HERC4: variants seen among roughly 807,000 people sequenced by gnomAD.
The protein encoded by HERC4 is probable E3 ubiquitin-protein ligase HERC4.
HERC4 carries 28 observed loss-of-function variants against 124.3 expected under a neutral mutation model. The ratio of observed to expected loss-of-function variants is 0.23; its 90% CI spans 0.17 to 0.31. The LOEUF is 0.31. Among genes scored for constraint, HERC4 ranks in the 10% least tolerant of loss-of-function variants. The pLI is 1.00. For synonymous variants in HERC4, 407 were observed against 421.5 expected, an observed-to-expected ratio of 0.97 and a Z score of 0.42; for missense variants, 713 against 1,229.3, an observed-to-expected ratio of 0.58 and a Z score of 6.28.
intron 23 of HERC4, among the ~76,000 whole-genome samples, chr10:67,927,399 TATATATATATATATA>T (rs2031140177): frequency 1.3e-4 from 1 of 7,816 alleles, no homozygotes; most frequent in African/African-American, 3.9e-4. Context: ...TATATATATA[TATATATATATATATA>T]TATATATATA....
intron 9 of HERC4, among the ~76,000 whole-genome samples, chr10:68,013,188 T>C (rs1398440597): frequency 2.0e-5 from 3 of 152,220 alleles, no homozygotes; most frequent in Admixed American, 6.5e-5. Flanking sequence ...TAAACTAACA[T>C]ATACACAGTC....
intron 9 of HERC4, among the ~76,000 whole-genome samples, chr10:68,009,335 A>G (rs904650841): frequency 3.3e-5 from 5 of 151,996 alleles, no homozygotes; most frequent in Admixed American, 2.6e-4. Context: ...AGCTGGTCCC[A>G]AACTCCTGGC....
chr10:68,069,403 A>C (rs1265945700), intron 3 of HERC4: 1 of 985,174 alleles, frequency 1.0e-6, no homozygotes, highest in Non-Finnish European at 1.2e-6. Context: ...GTAGTGATAG[A>C]AAAGGACATA....
chr10:67,983,075 CAA>C (rs60021463), intron 15 of HERC4, among the ~76,000 whole-genome samples: 11 of 76,766 alleles, frequency 1.4e-4, no homozygotes, highest in Admixed American at 2.9e-4. Flanking sequence ...TTGCACTGAG[CAA>C]AAAAAAAAAA....
intron 9 of HERC4, among the ~76,000 whole-genome samples, chr10:68,002,421 CA>C (rs528567769): frequency 2.0e-5 from 3 of 150,892 alleles, no homozygotes; most frequent in African/African-American, 4.9e-5. Context: ...TTCAGGTTGT[CA>C]AAAAAATGAA....
At chr10:68,027,019 CATATAAT>C (rs1480148791) in intron 7 of HERC4, among the ~76,000 whole-genome samples, 1 of 152,002 alleles carries the variant, frequency 6.6e-6, no homozygotes, top group African/African-American at 2.4e-5. Flanking sequence ...AACAAAAAAA[CATATAAT>C]ATATAACTAA....
chr10:68,073,443 T>C (rs954978652), intron 2 of HERC4, among the ~76,000 whole-genome samples: 3 of 152,384 alleles, frequency 2.0e-5, no homozygotes, highest in Non-Finnish European at 4.4e-5. Flanking sequence ...TTTTGACTTC[T>C]GGTTATCTTG....
chr10:67,939,013 A>G (rs1044677688), intron 21 of HERC4, among the ~76,000 whole-genome samples: 1 of 152,202 alleles, frequency 6.6e-6, no homozygotes, highest in African/African-American at 2.4e-5. Context: ...ATCTTTTACA[A>G]GATTTGCAAT....
intron 19 of HERC4, among the ~76,000 whole-genome samples, chr10:67,946,629 C>A (rs2033377867): frequency 6.6e-6 from 1 of 152,010 alleles, no homozygotes; most frequent in South Asian, 2.1e-4. Flanking sequence ...CAAATATAGG[C>A]CAGACGCAGT....
At chr10:67,990,103 A>C in intron 14 of HERC4, 108 bp downstream of exon 14, 1 of 809,650 alleles carries the variant, frequency 1.2e-6, no homozygotes, top group Non-Finnish European at 1.9e-6. Context: ...TTTGCCTAAG[A>C]CAGTGTCAAA....
intron 14 of HERC4, among the ~76,000 whole-genome samples, chr10:67,989,930 G>A (rs1051003943): frequency 2.0e-5 from 3 of 152,140 alleles, no homozygotes; most frequent in Admixed American, 6.5e-5. Flanking sequence ...TACTAAAGGC[G>A]ATGAGGGAAA....
chr10:68,058,972 A>G (rs962064087), intron 3 of HERC4, among the ~76,000 whole-genome samples: 21 of 152,226 alleles, frequency 1.4e-4, no homozygotes, highest in Admixed American at 4.6e-4. Context: ...AACAGTTACC[A>G]ATGTTATTAC....
intron 3 of HERC4, among the ~76,000 whole-genome samples, chr10:68,055,178 C>G (rs186594603): frequency 2.6e-5 from 4 of 152,266 alleles, no homozygotes. Context: ...ACATGATGGA[C>G]TTAACAATCA....
At chr10:67,976,034 T>G (rs1187130632) in intron 15 of HERC4, among the ~76,000 whole-genome samples, 2 of 152,174 alleles carry the variant, frequency 1.3e-5, no homozygotes, top group Non-Finnish European at 2.9e-5. Context: ...CCACTGTTTT[T>G]TTTTTTTTTA....
chr10:68,006,710 T>C (rs189557044), intron 9 of HERC4, among the ~76,000 whole-genome samples: 43 of 152,244 alleles, frequency 2.8e-4, no homozygotes, highest in African/African-American at 1.0e-3. Flanking sequence ...GGGAAGTCTT[T>C]ATTTCTCCTT....
intron 3 of HERC4, among the ~76,000 whole-genome samples, chr10:68,064,601 A>T (rs1379869884): frequency 6.6e-6 from 1 of 151,448 alleles, no homozygotes; most frequent in Non-Finnish European, 1.5e-5. Context: ...AAAAAGAAAA[A>T]GAAAAAAAGA....
chr10:67,966,660 C>G, intron 16 of HERC4, 23 bp downstream of exon 16: 1 of 1,595,072 alleles, frequency 6.3e-7, no homozygotes, highest in Non-Finnish European at 8.5e-7. Flanking sequence ...AAAATGAAAT[C>G]ACAAATTGCA....
intron 11 of HERC4, among the ~76,000 whole-genome samples, chr10:67,991,538 C>T (rs536563294): frequency 2.6e-5 from 4 of 152,012 alleles, no homozygotes; most frequent in African/African-American, 7.2e-5. Flanking sequence ...TTTATATTGG[C>T]AGTGAGCCTA....
chr10:67,942,983 T>C (rs2033041922), intron 19 of HERC4, among the ~76,000 whole-genome samples: 2 of 152,212 alleles, frequency 1.3e-5, no homozygotes, highest in South Asian at 2.1e-4. Context: ...CAGAGATACA[T>C]ATGTGCTCAT....
Sources: gnomAD v4.1 joint callset for allele counts (sites outside exome capture counted in the v4.1 genomes callset) on GRCh38, gnomAD v4.1.1 for gene constraint, MANE v1.5 for transcripts, NCBI Gene and HGNC (gene_info 2026-07-23, HGNC 2026-07-21) for gene names.